The following ZNF682 variants were observed in gnomAD, a reference collection of about 807,000 sequenced individuals.
The protein encoded by ZNF682 is zinc finger protein 682.
A neutral mutation model predicts 36.5 loss-of-function variants in ZNF682; 29 were observed. The ratio of observed to expected loss-of-function variants is 0.80; its 90% CI spans 0.59 to 1.08. The LOEUF is 1.08. ZNF682 is among the 50% of genes least tolerant of loss of function. The pLI is 0.00. For missense variants in ZNF682, 561 were observed against 579.7 expected, an observed-to-expected ratio of 0.97 and a Z score of 0.33; for synonymous variants, 180 against 197.0, an observed-to-expected ratio of 0.91 and a Z score of 0.72.
At chr19:20,018,716 A>G (rs2088359416) in intron 3 of ZNF682, among the ~76,000 whole-genome samples, 1 of 152,224 alleles carries the variant, frequency 6.6e-6, no homozygotes, top group African/African-American at 2.4e-5. Flanking sequence ...TGCACCATAT[A>G]AAAACAGTAT....
chr19:20,012,612 CA>C (rs2088299408), intron 3 of ZNF682, among the ~76,000 whole-genome samples: 1 of 151,562 alleles, frequency 6.6e-6, no homozygotes, highest in Admixed American at 6.6e-5. Flanking sequence ...CTAAAAAATA[CA>C]AAAAATTAGT....
rs754898708 is a variant in ZNF682 at position 20,023,046 on chromosome 19, GCTC to G, written c.181_183del (p.Glu61del). On this transcript the variant is annotated inframe_deletion, in exon 3 of 4. Coordinates refer to ENST00000397165, the MANE Select transcript of ZNF682 (RefSeq NM_033196.3). ...GTCTCATGTCTCTTCACATTCCAGG[GCTC>G]CTGTCTTTGCTCCAGACGGCTAATC... is the stretch of plus-strand genomic sequence containing the variant. 1 of 1,613,954 alleles carries G rather than the reference GCTC, an allele frequency of 6.2e-7. No individual in the cohort carries two copies. Among genetic ancestry groups the G allele is most frequent in the Non-Finnish European group, 8.5e-7 (1 of 1,179,910 alleles).
chr19:20,003,872 G>T (rs2088187330), downstream of ZNF682, among the ~76,000 whole-genome samples: 1 of 152,174 alleles, frequency 6.6e-6, no homozygotes, highest in African/African-American at 2.4e-5. Flanking sequence ...GAGGTTTCCA[G>T]TTTGGTAGTA....
At chr19:20,019,266 T>A (rs1433617129) in intron 3 of ZNF682, among the ~76,000 whole-genome samples, 7 of 152,116 alleles carry the variant, frequency 4.6e-5, no homozygotes, top group Non-Finnish European at 7.4e-5. Flanking sequence ...GTTACGGATA[T>A]GGAAAATTGA....
chr19:20,002,261 T>C (rs1448952572), downstream of ZNF682, among the ~76,000 whole-genome samples: 5 of 151,076 alleles, frequency 3.3e-5, no homozygotes, highest in Non-Finnish European at 5.9e-5. Flanking sequence ...TTTTTTTTTT[T>C]TTTTTTGTAT....
intron 1 of ZNF682, among the ~76,000 whole-genome samples, chr19:20,036,764 C>G (rs970334891): frequency 7.4e-6 from 1 of 134,254 alleles, no homozygotes; most frequent in East Asian, 2.2e-4. Flanking sequence ...GCCAGGTGTT[C>G]GACACCAGTT....
intron 3 of ZNF682, among the ~76,000 whole-genome samples, chr19:20,013,784 T>A (rs1354404809): frequency 6.6e-6 from 1 of 152,220 alleles, no homozygotes; most frequent in East Asian, 1.9e-4. Context: ...CTCTCCATGT[T>A]GGTCAGGCTG....
chr19:20,021,662 G>A (rs996432000), intron 3 of ZNF682, among the ~76,000 whole-genome samples: 20 of 152,054 alleles, frequency 1.3e-4, no homozygotes, highest in African/African-American at 2.9e-4. Flanking sequence ...GTCCCCACAC[G>A]TATATGTGTG....
At chr19:20,010,642 TC>T (rs2088277035) in intron 3 of ZNF682, among the ~76,000 whole-genome samples, 1 of 151,270 alleles carries the variant, frequency 6.6e-6, no homozygotes, top group Non-Finnish European at 1.5e-5. Flanking sequence ...GGGTGACAGA[TC>T]GAGACTCTGT....
At chr19:20,032,505 C>T (rs1281504832) in intron 1 of ZNF682, among the ~76,000 whole-genome samples, 1 of 152,104 alleles carries the variant, frequency 6.6e-6, no homozygotes, top group Non-Finnish European at 1.5e-5. Flanking sequence ...TTGGGGTTTG[C>T]ACAATTGTGG....
At chr19:20,011,853 T>C (rs569073062) in intron 3 of ZNF682, among the ~76,000 whole-genome samples, 5 of 151,778 alleles carry the variant, frequency 3.3e-5, no homozygotes, top group African/African-American at 9.7e-5. Flanking sequence ...CTGGCCAACA[T>C]AGTGAAACCC....
chr19:20,023,114 A>G lies in ZNF682; in HGVS notation c.131-15T>C, dbSNP rs941327058. 2 of 1,610,314 alleles carry G rather than the reference A, an allele frequency of 1.2e-6. No individual in the cohort carries two copies. Among genetic ancestry groups the G allele is most frequent in the Admixed American group, 1.7e-5 (1 of 59,942 alleles). The stretch of plus-strand genomic sequence containing the variant: ...AACAGTAAGACCTGTTTTATTAGAA[A>G]AAAGTAATGTGATTCTTGCTGGGAT... On this transcript the variant is annotated splice_polypyrimidine_tract_variant and intron_variant, in intron 2 of 3. Coordinates refer to ENST00000397165, the MANE Select transcript of ZNF682 (RefSeq NM_033196.3).
intron 3 of ZNF682, 81 bp downstream of exon 3, chr19:20,022,923 T>G (rs981547427): frequency 8.4e-7 from 1 of 1,192,158 alleles, no homozygotes; most frequent in African/African-American, 1.5e-5. Flanking sequence ...GCAGAGCTTC[T>G]CAAATAACTC....
chr19:20,007,057 T>C lies in ZNF682; in HGVS notation c.445A>G (p.Lys149Glu), dbSNP rs1192690655. The C allele has an allele frequency of 6.2e-7, 1 of 1,613,570 alleles. No individual in the cohort carries two copies. Among genetic ancestry groups the C allele is most frequent in the Admixed American group, 1.7e-5 (1 of 59,980 alleles). Residue 149 changes from lysine to glutamate, a missense_variant, in exon 4 of 4, where the codon AAA (lysine) becomes GAA (glutamate). Transcript: ENST00000397165. ...GATTTACTAAAGACTTTCACACATT[T>C]ATTATATGGGAAAATTTTGCTAGGT... Reference protein sequence around the residue: ...TLPSKIFPYNKCVKVFSKSSN... With the variant: ...TLPSKIFPYNECVKVFSKSSN...
intron 3 of ZNF682, among the ~76,000 whole-genome samples, chr19:20,018,218 C>T (rs981460594): frequency 6.8e-6 from 1 of 148,140 alleles, no homozygotes; most frequent in Non-Finnish European, 1.5e-5. Flanking sequence ...CTCAGCCTCC[C>T]AAGTAGCTGG....
chr19:20,002,835 G>A (rs2088177705), downstream of ZNF682, among the ~76,000 whole-genome samples: 1 of 152,078 alleles, frequency 6.6e-6, no homozygotes, highest in Admixed American at 6.6e-5. Context: ...CATCTCCCTA[G>A]TGTTCACCTA....
rs116459412 is a variant in ZNF682, at chr19:20,017,284, A to T, written c.226+5720T>A. 5.2e-3 allele frequency among the ~76,000 whole-genome samples: 795 copies of T among 152,338 alleles called. 12 individuals are homozygous for T. The highest frequency in any genetic ancestry group is 0.018 in the African/African-American group (765 of 41,582). On this transcript the variant is annotated intron_variant, in intron 3 of 3. Coordinates refer to ENST00000397165, the MANE Select transcript of ZNF682 (RefSeq NM_033196.3). ...AAAAAGTAAAATAGCTGAATGAGTT[A>T]AAAACAAAATCTTACAATATGCGTC...
In ZNF682 at chr19:20,006,641, A is replaced by C. The variant is rs1204445017; in HGVS notation, c.861T>G (p.Cys287Trp). Residue 287 changes from cysteine (C) to tryptophan (W), a missense_variant, in exon 4 of 4, where the codon TGT (cysteine) becomes TGG (tryptophan). By Grantham distance (215) the Cys-to-Trp change is radical (BLOSUM62 -2). Coordinates refer to ENST00000397165, the MANE Select transcript of ZNF682 (RefSeq NM_033196.3). ...KIHTGEKPYT[C>W]EDCGRAFNRH... is the part of the protein sequence containing the mutation. ...GGTTAAACGCTCTGCCACAGTCTTC[A>C]CATGTATAGGGTTTTTCTCCTGTAT... 6.2e-7 allele frequency: 1 copy of C among 1,614,144 alleles called. No individual in the cohort carries two copies. Among genetic ancestry groups the C allele is most frequent in the East Asian group, 2.2e-5 (1 of 44,858 alleles).
chr19:20,000,635 A>T (rs1195429583), downstream of ZNF682, among the ~76,000 whole-genome samples: 1 of 152,200 alleles, frequency 6.6e-6, no homozygotes, highest in African/African-American at 2.4e-5. Flanking sequence ...ATGGGGACGA[A>T]GTTTATCTAC....
Sources: gnomAD v4.1 joint callset for allele counts (sites outside exome capture counted in the v4.1 genomes callset) on GRCh38, gnomAD v4.1.1 for gene constraint, MANE v1.5 for transcripts, NCBI Gene and HGNC (gene_info 2026-07-23, HGNC 2026-07-21) for gene names.